MSI2: variants seen among roughly 807,000 people sequenced by gnomAD.
MSI2 encodes RNA-binding protein Musashi homolog 2.
In MSI2, 17 loss-of-function variants were observed where a neutral mutation model predicts 45.6. The observed-to-expected ratio is 0.37, with a 90% CI of 0.26 to 0.56. The LOEUF is 0.56. Among genes scored for constraint, MSI2 ranks in the 20% least tolerant of loss-of-function variants. The pLI, the probability that MSI2 is intolerant of heterozygous loss-of-function variation, is 0.77. For synonymous variants in MSI2, 156 were observed against 158.2 expected, an observed-to-expected ratio of 0.99 and a Z score of 0.11; for missense variants, 293 against 444.2, an observed-to-expected ratio of 0.66 and a Z score of 3.06.
At chr17:57,413,359 A>C (rs1333366590) in intron 6 of MSI2, among the ~76,000 whole-genome samples, 1 of 152,076 alleles carries the variant, frequency 6.6e-6, no homozygotes. Context: ...CTCGAGTTCC[A>C]TCCGGCTACC....
At chr17:57,631,817 A>G in intron 10 of MSI2, 1 of 1,613,600 alleles carries the variant, frequency 6.2e-7, no homozygotes, top group Non-Finnish European at 8.5e-7. Flanking sequence ...ACAAGACATA[A>G]TTTTTATCAA....
intron 11 of MSI2, among the ~76,000 whole-genome samples, chr17:57,655,947 T>C (rs187298970): frequency 6.6e-6 from 1 of 152,230 alleles, no homozygotes; most frequent in East Asian, 1.9e-4. Context: ...CAGTAAAACA[T>C]TTCACACCTC....
chr17:57,257,006 C>CGCT, intron 1 of MSI2, 92 bp from the exon 2 acceptor site: 2 of 1,571,020 alleles, frequency 1.3e-6, no homozygotes, highest in South Asian at 1.1e-5. Flanking sequence ...CTCGCTCGCT[C>CGCT]CCCCCCGCTT....
Position 57,594,037 on chromosome 17 carries a change from A to C in MSI2, c.455-2831A>C, listed in dbSNP as rs76871552. On this transcript the variant is annotated intron_variant, in intron 7 of 13. Coordinates refer to ENST00000284073, the MANE Select transcript of MSI2 (RefSeq NM_138962.4). ...CAGTCTTGAGGCAAAGCAGTGACTC[A>C]AGTGGATTAGCAAGATGCTCAGACC... 4.3e-3 allele frequency among the ~76,000 whole-genome samples: 660 copies of C among 152,306 alleles called. 1 individual carries two copies. The highest frequency in any genetic ancestry group is 0.01 in the Middle Eastern group (3 of 294).
At chr17:57,450,262 A>AGAAAGAAAGAAG (rs1491361755) in intron 6 of MSI2, 74 of 25,484 alleles carry the variant, frequency 2.9e-3, no homozygotes, top group South Asian at 0.01. Context: ...GCTTAAAGAA[A>AGAAAGAAAGAAG]GAAAGAAAGA....
chr17:57,333,792 GGA>G (rs1491141357), intron 5 of MSI2, among the ~76,000 whole-genome samples: 66 of 84,916 alleles, frequency 7.8e-4, no homozygotes, highest in African/African-American at 3.0e-3. Flanking sequence ...AATAAGAAAG[GGA>G]AAAAAAAAAC....
intron 10 of MSI2, among the ~76,000 whole-genome samples, chr17:57,636,268 G>A (rs530074370): frequency 6.6e-6 from 1 of 152,292 alleles, no homozygotes; most frequent in East Asian, 1.9e-4. Context: ...AGAAGCCTTG[G>A]CCATAGGCAA....
At chr17:57,417,692 C>T (rs1320691024) in intron 6 of MSI2, among the ~76,000 whole-genome samples, 1 of 152,108 alleles carries the variant, frequency 6.6e-6, no homozygotes, top group Admixed American at 6.5e-5. Context: ...TATTGCCTCC[C>T]GGATGTGATT....
intron 7 of MSI2, among the ~76,000 whole-genome samples, chr17:57,566,932 G>T (rs1257933576): frequency 6.6e-6 from 1 of 152,222 alleles, no homozygotes; most frequent in Admixed American, 6.5e-5. Flanking sequence ...GAAGGGGCAT[G>T]TTCAAACCCA....
In MSI2 at chr17:57,312,151, G is replaced by A. The variant is rs552709358; in HGVS notation, c.312+49959G>A. ...GCAGGGAGAGGCCCTTGGCCTTGCTGTCAGAGAGTTATGGAGAGTGCAATG... is the reference window on the plus strand; with the variant it reads ...GCAGGGAGAGGCCCTTGGCCTTGCTATCAGAGAGTTATGGAGAGTGCAATG... On this transcript the variant is annotated intron_variant, in intron 5 of 13. Transcript: ENST00000284073. 3.3e-5 allele frequency among the ~76,000 whole-genome samples: 5 copies of A among 152,330 alleles called. No individual in the cohort carries two copies. The East Asian group carries it at 9.7e-4, about 29-fold the overall frequency.
chr17:57,649,323 T>C (rs1485358083), intron 10 of MSI2, among the ~76,000 whole-genome samples: 1 of 137,810 alleles, frequency 7.3e-6, no homozygotes, highest in African/African-American at 2.8e-5. Flanking sequence ...ATACATACAC[T>C]CAACACACAT....
At chr17:57,369,258 G>A (rs2083386262) in intron 5 of MSI2, among the ~76,000 whole-genome samples, 2 of 152,178 alleles carry the variant, frequency 1.3e-5, no homozygotes, top group African/African-American at 2.4e-5. Flanking sequence ...AATGGCAGCA[G>A]GTGTCACTGG....
chr17:57,295,854 T>C (rs933554330), intron 5 of MSI2, among the ~76,000 whole-genome samples: 2 of 152,196 alleles, frequency 1.3e-5, no homozygotes, highest in African/African-American at 4.8e-5. Flanking sequence ...TCTGCTCCCG[T>C]CACAAATCTT....
At chr17:57,541,988 C>A (rs899253057) in intron 7 of MSI2, among the ~76,000 whole-genome samples, 1 of 152,110 alleles carries the variant, frequency 6.6e-6, no homozygotes, top group African/African-American at 2.4e-5. Flanking sequence ...TGCTGACATC[C>A]GATTTATTAT....
At chr17:57,288,972 G>A (rs553225305) in intron 5 of MSI2, among the ~76,000 whole-genome samples, 11 of 152,254 alleles carry the variant, frequency 7.2e-5, no homozygotes, top group South Asian at 2.1e-4. Flanking sequence ...TCTCCTGGGG[G>A]ACACAGTCAC....
chr17:57,463,085 C>T (rs997321355), intron 6 of MSI2, among the ~76,000 whole-genome samples: 16 of 152,210 alleles, frequency 1.1e-4, no homozygotes, highest in Admixed American at 2.0e-4. Flanking sequence ...GCTTGGAGGA[C>T]GCTAGTCCTG....
At chr17:57,631,800 C>T (rs1442305482) in intron 10 of MSI2, 8 of 1,612,968 alleles carry the variant, frequency 5.0e-6, no homozygotes, top group East Asian at 2.2e-5. Flanking sequence ...GACTATTTGC[C>T]GGTTTCACAA....
At chr17:57,288,063 A>G (rs1910085650) in intron 5 of MSI2, among the ~76,000 whole-genome samples, 1 of 152,148 alleles carries the variant, frequency 6.6e-6, no homozygotes, top group Non-Finnish European at 1.5e-5. Context: ...GCAATGTGGT[A>G]TGGTAGATAG....
intron 11 of MSI2, among the ~76,000 whole-genome samples, chr17:57,660,518 A>C (rs1911916270): frequency 6.6e-6 from 1 of 152,216 alleles, no homozygotes; most frequent in South Asian, 2.1e-4. Context: ...AATACTAAGC[A>C]GTCTCCACGC....
Sources: gnomAD v4.1 joint callset for allele counts (sites outside exome capture counted in the v4.1 genomes callset) on GRCh38, gnomAD v4.1.1 for gene constraint, MANE v1.5 for transcripts, NCBI Gene and HGNC (gene_info 2026-07-23, HGNC 2026-07-21) for gene names.